The following ADGRB3 variants were observed in gnomAD, a reference collection of about 807,000 sequenced individuals.
ADGRB3 encodes the protein brain-specific angiogenesis inhibitor 3.
Under a neutral mutation model 193.4 loss-of-function variants are expected in ADGRB3, and 37 were observed. The ratio of observed to expected loss-of-function variants is 0.19; its 90% CI spans 0.15 to 0.25. The LOEUF (loss-of-function observed/expected upper bound fraction) is 0.25, where lower values mean the gene tolerates loss of function less well. ADGRB3 is among the 10% of genes least tolerant of loss of function. The pLI, the probability that ADGRB3 is intolerant of heterozygous loss-of-function variation, is 1.00. For synonymous variants in ADGRB3, 690 were observed against 644.2 expected (o/e 1.07, Z -1.08); for missense variants, 1,637 against 1,852.9 (o/e 0.88, Z 2.14).
intron 20 of ADGRB3, among the ~76,000 whole-genome samples, chr6:69,281,393 G>A (rs1402177803): frequency 1.3e-5 from 2 of 152,182 alleles, no homozygotes; most frequent in African/African-American, 2.4e-5. Flanking sequence ...TAGGAAGCTG[G>A]AGGAGGGAAA....
chr6:68,957,936 C>T lies in ADGRB3; in HGVS notation c.1525+1127C>T, dbSNP rs561692018. 2.0e-5 allele frequency among the ~76,000 whole-genome samples: 3 copies of T among 152,220 alleles called. No homozygotes were observed. The South Asian group carries it at 6.2e-4, about 32-fold the overall frequency. The stretch of plus-strand genomic sequence containing the variant: ...AAAATTAGGGCCAGGCATGTTGGCT[C>T]ATACCTGTAATCCCAGCACTTTGGG... On this transcript the variant is annotated intron_variant, in intron 8 of 31. Coordinates refer to ENST00000370598, the MANE Select transcript of ADGRB3 (RefSeq NM_001704.3).
rs561068434 is a variant in ADGRB3, at chr6:69,255,795, G to A, written c.2814+16569G>A. ...CCTTGCCCATGCCTATGTCCTGAAT[G>A]GTAATGCCTAGGTTTTCTTCTAAGG... On this transcript the variant is annotated intron_variant, in intron 20 of 31. Coordinates refer to ENST00000370598, the MANE Select transcript of ADGRB3 (RefSeq NM_001704.3). Among the ~76,000 whole-genome samples the A allele has an allele frequency of 3.2e-3, 494 of 152,240 alleles. 1 individual carries two copies. Among genetic ancestry groups the A allele is most frequent in the African/African-American group, 0.011 (467 of 41,532 alleles).
chr6:68,803,477 C>T (rs1035366133), intron 3 of ADGRB3, among the ~76,000 whole-genome samples: 1 of 152,118 alleles, frequency 6.6e-6, no homozygotes, highest in Admixed American at 6.6e-5. Flanking sequence ...AATATATCCA[C>T]GTCTTCACTC....
Position 69,282,796 on chromosome 6 carries a change from T to A in ADGRB3, c.2815-42076T>A, listed in dbSNP as rs898797394. On this transcript the variant is annotated intron_variant, in intron 20 of 31. Transcript: ENST00000370598. ...AAATCACTAGGTACCATGTAAGAAT[T>A]ATAACAAATGAGCATAGAATAATTT... Among the ~76,000 whole-genome samples the A allele has an allele frequency of 4.6e-5, 7 of 152,158 alleles. 1 individual carries two copies. Among genetic ancestry groups the A allele is most frequent in the African/African-American group, 1.7e-4 (7 of 41,434 alleles).
intron 26 of ADGRB3, among the ~76,000 whole-genome samples, chr6:69,353,476 AG>A (rs1406652287): frequency 6.6e-6 from 1 of 152,258 alleles, no homozygotes; most frequent in Non-Finnish European, 1.5e-5. Flanking sequence ...AGACATAAAA[AG>A]AAACATCCCA....
At chr6:69,108,266 T>C (rs1208470224) in intron 17 of ADGRB3, among the ~76,000 whole-genome samples, 1 of 152,124 alleles carries the variant, frequency 6.6e-6, no homozygotes, top group Non-Finnish European at 1.5e-5. Flanking sequence ...TACGGTGAAG[T>C]GGCTAAGGGT....
chr6:69,065,149 C>G (rs1438232498), intron 16 of ADGRB3, among the ~76,000 whole-genome samples: 3 of 152,044 alleles, frequency 2.0e-5, no homozygotes, highest in African/African-American at 7.2e-5. Flanking sequence ...TGACCAGGTT[C>G]CCACGAGAAT....
At chr6:69,193,881 G>GAA (rs3048266) in intron 17 of ADGRB3, among the ~76,000 whole-genome samples, 21,706 of 151,752 alleles carry the variant, frequency 0.14, 1,609 homozygotes, top group Middle Eastern at 0.17. Flanking sequence ...AAATCTGGTA[G>GAA]AAAAAAACAA....
chr6:69,304,659 A>G (rs1768026878), intron 20 of ADGRB3, among the ~76,000 whole-genome samples: 3 of 151,492 alleles, frequency 2.0e-5, no homozygotes, highest in Non-Finnish European at 2.9e-5. Flanking sequence ...TTTTTGCCAT[A>G]TTGTATGCAG....
chr6:68,852,423 G>A (rs1440600030), intron 3 of ADGRB3, among the ~76,000 whole-genome samples: 1 of 151,836 alleles, frequency 6.6e-6, no homozygotes, highest in Non-Finnish European at 1.5e-5. Context: ...TAACAAAAAT[G>A]CTCAAATTAT....
At chr6:69,260,548 A>G (rs1281055051) in intron 20 of ADGRB3, among the ~76,000 whole-genome samples, 13 of 152,176 alleles carry the variant, frequency 8.5e-5, no homozygotes, top group Non-Finnish European at 1.2e-4. Flanking sequence ...TCAAAAGATG[A>G]CTTGGGCACG....
intron 17 of ADGRB3, among the ~76,000 whole-genome samples, chr6:69,203,185 G>A (rs1354809268): frequency 6.6e-6 from 1 of 152,088 alleles, no homozygotes; most frequent in Non-Finnish European, 1.5e-5. Context: ...AATGCAGAGA[G>A]GTTGTGAAAA....
chr6:69,349,702 T>A (rs1431248392), intron 26 of ADGRB3, among the ~76,000 whole-genome samples: 3 of 152,154 alleles, frequency 2.0e-5, no homozygotes, highest in Non-Finnish European at 4.4e-5. Flanking sequence ...CATAAGAAAC[T>A]CTTCTCCCCC....
intron 4 of ADGRB3, among the ~76,000 whole-genome samples, chr6:68,934,051 G>T (rs1030146868): frequency 2.8e-4 from 43 of 152,172 alleles, no homozygotes; most frequent in African/African-American, 9.9e-4. Context: ...TAATGTGCTT[G>T]ACTAGAATGT....
intron 3 of ADGRB3, among the ~76,000 whole-genome samples, chr6:68,829,063 GT>G (rs999396305): frequency 3.5e-4 from 27 of 77,970 alleles, no homozygotes; most frequent in African/African-American, 7.8e-4. Context: ...AAATCAGGTT[GT>G]TTTTTTTTTA....
At position 68,817,304 on chromosome 6, in the gene ADGRB3, CATGT is replaced by C. The variant is rs1452305095; in HGVS notation, c.758-113252_758-113249del. Among the ~76,000 whole-genome samples the C allele has an allele frequency of 2.4e-3, 139 of 57,126 alleles. 9 individuals are homozygous for C. The highest frequency in any genetic ancestry group is 4.0e-3 in the South Asian group (5 of 1,236). The allele number at this position is 57,126 out of a possible 152,430, so 37.5% of individuals were successfully genotyped here. Reference sequence around the variant, plus strand: ...AAGGTATTTATTATTCCCTTTTGTCCATGTATATATATATATATATATATATATA... The same window carrying C: ...AAGGTATTTATTATTCCCTTTTGTCCATATATATATATATATATATATATA... On this transcript the variant is annotated intron_variant, in intron 3 of 31. Coordinates refer to ENST00000370598, the MANE Select transcript of ADGRB3 (RefSeq NM_001704.3).
chr6:69,030,041 G>A (rs1275186779), intron 13 of ADGRB3, among the ~76,000 whole-genome samples: 1 of 150,250 alleles, frequency 6.7e-6, no homozygotes, highest in African/African-American at 2.5e-5. Context: ...CATAAGAGAG[G>A]TGCAAATCAA....
At chr6:68,671,952 G>A (rs1768972144) in intron 3 of ADGRB3, among the ~76,000 whole-genome samples, 1 of 151,814 alleles carries the variant, frequency 6.6e-6, no homozygotes, top group South Asian at 2.1e-4. Flanking sequence ...GTTTATTATT[G>A]GTCTGTTCAG....
intron 10 of ADGRB3, among the ~76,000 whole-genome samples, chr6:68,982,812 T>G (rs1430108751): frequency 6.6e-6 from 1 of 152,180 alleles, no homozygotes; most frequent in African/African-American, 2.4e-5. Flanking sequence ...GCCAACCAAA[T>G]TATATTCATT....
Sources: allele counts gnomAD v4.1 joint callset (sites outside exome capture counted in the v4.1 genomes callset), GRCh38; gene constraint gnomAD v4.1.1; transcripts MANE v1.5; gene names NCBI Gene and HGNC (gene_info 2026-07-23, HGNC 2026-07-21).